Variants in TMCO1 observed in about 807,000 individuals in gnomAD.
TMCO1 encodes the protein transmembrane and coiled-coil domains 1.
In TMCO1, 29 loss-of-function variants were observed where a neutral mutation model predicts 29.3. The observed-to-expected ratio is 0.99, with a 90% CI of 0.74 to 1.35. The LOEUF is 1.35. Among genes scored for constraint, TMCO1 ranks in the 40% most tolerant of loss-of-function variants. The pLI, the probability that TMCO1 is intolerant of heterozygous loss-of-function variation, is 0.00. For missense variants in TMCO1, 173 were observed against 225.5 expected (o/e 0.77, Z 1.49); for synonymous variants, 80 against 77.1 (o/e 1.04, Z -0.20).
intron 5 of TMCO1, among the ~76,000 whole-genome samples, chr1:165,750,845 G>A (rs914318247): frequency 6.6e-6 from 1 of 151,996 alleles, no homozygotes; most frequent in African/African-American, 2.4e-5. Context: ...CTGGGTGGGA[G>A]GATCACTTGA....
chr1:165,763,239 T>C (rs933055803), intron 2 of TMCO1, among the ~76,000 whole-genome samples: 1 of 152,238 alleles, frequency 6.6e-6, no homozygotes, highest in Non-Finnish European at 1.5e-5. Flanking sequence ...ATTCTGTATT[T>C]GCAATTAAGA....
chr1:165,724,580 G>C (rs747800635), downstream of TMCO1: 9 of 453,958 alleles, frequency 2.0e-5, no homozygotes, highest in Non-Finnish European at 3.1e-5. Flanking sequence ...CAGATCACCA[G>C]CTCTGGGGTG....
Position 165,743,172 on chromosome 1 carries a change from G to T in TMCO1, c.463C>A (p.Arg155=). 1.9e-6 allele frequency: 3 copies of T among 1,614,000 alleles called. No individual in the cohort carries two copies. The highest frequency in any genetic ancestry group is 2.5e-6 in the Non-Finnish European group (3 of 1,179,980). The change falls in exon 6 of 7, where the codon CGA becomes AGA. Residue 155 remains arginine, a synonymous_variant. Transcript: ENST00000367881. ...TGGTAGATGTGATCACTCACCTGTC[G>T]AATCGACATAGTACAGAGAATATAC... ...FLYILCTMSI[R]QNIQKILGLA...
intron 6 of TMCO1, among the ~76,000 whole-genome samples, chr1:165,729,123 A>C (rs1027508186): frequency 8.0e-5 from 12 of 150,634 alleles, no homozygotes; most frequent in Non-Finnish European, 1.6e-4. Context: ...AAAAAAAAAA[A>C]AAAACCAGTT....
rs542169115 is a variant in TMCO1, at chr1:165,762,775, C to T, written c.149-3191G>A. Reference sequence around the variant, plus strand: ...TTCTAAAAGATTTATCCTATTTTACCGTAAACAACAGAAATACCTCATACT... The same window carrying T: ...TTCTAAAAGATTTATCCTATTTTACTGTAAACAACAGAAATACCTCATACT... On this transcript the variant is annotated intron_variant, in intron 2 of 6. Coordinates refer to ENST00000367881, the MANE Select transcript of TMCO1 (RefSeq NM_019026.6). Among the ~76,000 whole-genome samples the T allele has an allele frequency of 4.6e-5, 7 of 152,194 alleles. No homozygotes were observed. In the South Asian group the frequency reaches 8.3e-4, roughly 18 times the overall value.
chr1:165,746,817 G>GA (rs1175330509), intron 5 of TMCO1, among the ~76,000 whole-genome samples: 1 of 152,138 alleles, frequency 6.6e-6, no homozygotes, highest in Non-Finnish European at 1.5e-5. Context: ...CAGTGATGGA[G>GA]AGAAAGGAAG....
intron 2 of TMCO1, 95 bp from the exon 3 acceptor site, chr1:165,759,679 C>G (rs545016230): frequency 9.2e-7 from 1 of 1,081,996 alleles, no homozygotes; most frequent in Admixed American, 1.9e-5. Context: ...AAGAAGCTTG[C>G]AAGAAAGTTA....
At chr1:165,740,183 G>A (rs61800446) in intron 6 of TMCO1, among the ~76,000 whole-genome samples, 36,319 of 87,988 alleles carry the variant, frequency 0.41, 4,541 homozygotes, top group South Asian at 0.54. Context: ...TATATACATC[G>A]TGTGTTTTTA....
rs1652328749 is a variant in TMCO1 at position 165,759,690 on chromosome 1, C to T, written c.149-106G>A. ...ATGAAAGAAGCTTGCAAGAAAGTTA[C>T]ACACTGACTGATTATGGTCATGATT... is the stretch of plus-strand genomic sequence containing the variant. On this transcript the variant is annotated intron_variant, in intron 2 of 6. Coordinates refer to ENST00000367881, the MANE Select transcript of TMCO1 (RefSeq NM_019026.6). 1.9e-5 allele frequency: 17 copies of T among 896,922 alleles called. No homozygotes were observed. The East Asian group carries it at 4.0e-4, about 21-fold the overall frequency. The allele number at this position is 896,922 out of a possible 1,614,324, so 55.6% of individuals were successfully genotyped here.
intron 6 of TMCO1, among the ~76,000 whole-genome samples, chr1:165,738,154 G>A (rs1651458425): frequency 6.6e-6 from 1 of 152,184 alleles, no homozygotes; most frequent in Non-Finnish European, 1.5e-5. Context: ...TTAGCTGGGT[G>A]TGGTGGCATG....
At chr1:165,724,453 G>A (rs556907002), downstream of TMCO1, 1 of 454,098 alleles carries the variant, frequency 2.2e-6, no homozygotes, top group East Asian at 6.9e-5. Context: ...CAAATATATT[G>A]TAAGAGGGCA....
chr1:165,740,456 C>T lies in TMCO1; in HGVS notation c.468+2711G>A, dbSNP rs145952081. Among the ~76,000 whole-genome samples the T allele has an allele frequency of 4.2e-3, 635 of 152,132 alleles. 5 individuals are homozygous for T. The highest frequency in any genetic ancestry group is 0.014 in the African/African-American group (599 of 41,534). On this transcript the variant is annotated intron_variant, in intron 6 of 6. Coordinates refer to ENST00000367881, the MANE Select transcript of TMCO1 (RefSeq NM_019026.6). ...TCCTGACCTCATGATCCGCCCGCCT[C>T]GACCTCCCAAAGTGCTGGGATTACA...
At chr1:165,763,790 T>C (rs1256672133) in intron 2 of TMCO1, among the ~76,000 whole-genome samples, 3 of 152,044 alleles carry the variant, frequency 2.0e-5, no homozygotes, top group African/African-American at 7.2e-5. Context: ...CATGTCAGGC[T>C]AATTTTTTGT....
intron 5 of TMCO1, among the ~76,000 whole-genome samples, chr1:165,751,547 T>C (rs964707585): frequency 6.6e-6 from 1 of 151,704 alleles, no homozygotes; most frequent in African/African-American, 2.4e-5. Flanking sequence ...CTACTAAAAA[T>C]ACAAAAATTA....
rs1241655292 is a variant in TMCO1, at chr1:165,727,395, C to A, written c.*628G>T. 3 of 453,918 alleles carry A rather than the reference C, an allele frequency of 6.6e-6. No individual in the cohort carries two copies. In the Admixed American group the frequency reaches 7.0e-5, roughly 11 times the overall value. The allele number at this position is 453,918 out of a possible 1,614,324, so 28.1% of individuals were successfully genotyped here. On this transcript the variant is annotated 3_prime_UTR_variant, in exon 7 of 7. Transcript: ENST00000367881. Reference sequence around the variant, plus strand: ...CCACTCTTGCTTTCCAATTCCTACACCAAGACAACTCTGTATTTTGAGTAT... The same window carrying A: ...CCACTCTTGCTTTCCAATTCCTACAACAAGACAACTCTGTATTTTGAGTAT...
chr1:165,752,254 T>C, intron 4 of TMCO1, 85 bp from the exon 5 acceptor site: 1 of 355,848 alleles, frequency 2.8e-6, no homozygotes, highest in Non-Finnish European at 4.6e-6. Flanking sequence ...TTCATGTCAT[T>C]TTTTTTTTTT....
chr1:165,729,624 T>C (rs1324081280), intron 6 of TMCO1, among the ~76,000 whole-genome samples: 3 of 152,136 alleles, frequency 2.0e-5, no homozygotes, highest in Non-Finnish European at 2.9e-5. Context: ...CCAGCCAATG[T>C]AGCATTTTAT....
Position 165,732,477 on chromosome 1 carries a change from TTCTCTCTC to T in TMCO1, c.469-4364_469-4357del, listed in dbSNP as rs143135718. On this transcript the variant is annotated intron_variant, in intron 6 of 6. Transcript: ENST00000367881. ...TTATGCTGTTAAATGAGCAAATGGT[TTCTCTCTC>T]TCTCTCTCTCTCTCTCTCTCTATAT... 2.5e-4 allele frequency among the ~76,000 whole-genome samples: 36 copies of T among 144,066 alleles called. 1 individual carries two copies. The highest frequency in any genetic ancestry group is 1.3e-3 in the South Asian group (6 of 4,490). 94.5% of individuals were successfully genotyped at this position (144,066 alleles called of 152,430 possible).
chr1:165,747,165 G>A (rs1476108806), intron 5 of TMCO1, among the ~76,000 whole-genome samples: 1 of 150,972 alleles, frequency 6.6e-6, no homozygotes, highest in African/African-American at 2.4e-5. Context: ...GGAGGATGAG[G>A]CAGGAGAATC....
Sources: gnomAD v4.1 joint callset for allele counts (sites outside exome capture counted in the v4.1 genomes callset) on GRCh38, gnomAD v4.1.1 for gene constraint, MANE v1.5 for transcripts, NCBI Gene and HGNC (gene_info 2026-07-23, HGNC 2026-07-21) for gene names.